PPP2R2A: variants seen among roughly 807,000 people sequenced by gnomAD.
The protein encoded by PPP2R2A is protein phosphatase 2 regulatory subunit Balpha.
In PPP2R2A, 9 loss-of-function variants were observed where a neutral mutation model predicts 53.2. That is an observed-to-expected ratio of 0.17 (90% CI 0.10 to 0.30). PPP2R2A has a LOEUF of 0.30. Among genes scored for constraint, PPP2R2A ranks in the 10% least tolerant of loss-of-function variants. The pLI is 1.00. For synonymous variants in PPP2R2A, 169 were observed against 174.2 expected (o/e 0.97, Z 0.23); for missense variants, 235 against 534.6 (o/e 0.44, Z 5.53).
At chr8:26,295,000 GAAGT>G (rs1457067041) in intron 2 of PPP2R2A, among the ~76,000 whole-genome samples, 5 of 152,216 alleles carry the variant, frequency 3.3e-5, no homozygotes, top group Non-Finnish European at 7.3e-5. Context: ...CTTGTTCAGA[GAAGT>G]AAGTCCTGAC....
intron 2 of PPP2R2A, among the ~76,000 whole-genome samples, chr8:26,307,863 T>C (rs1378015238): frequency 6.6e-6 from 1 of 152,150 alleles, no homozygotes; most frequent in Non-Finnish European, 1.5e-5. Context: ...AGTTGGAAAA[T>C]GGGGGAGTGA....
rs1206239023 is a variant in PPP2R2A at position 26,333,467 on chromosome 8, TTTGA to T, written c.83-5420_83-5417del. The stretch of plus-strand genomic sequence containing the variant: ...AATACAGTTATAACCCTCTTTGCAC[TTTGA>T]TTAATTTCTTTCAGATCACTTATTT... On this transcript the variant is annotated intron_variant, in intron 2 of 9. Coordinates refer to ENST00000380737, the MANE Select transcript of PPP2R2A (RefSeq NM_002717.4). 6.8e-6 allele frequency: 8 copies of T among 1,180,772 alleles called. No individual in the cohort carries two copies. In the African/African-American group the frequency reaches 7.8e-5, roughly 11 times the overall value. 73.1% of individuals were successfully genotyped at this position (1,180,772 alleles called of 1,614,324 possible).
chr8:26,363,795 T>C lies in PPP2R2A; in HGVS notation c.877T>C (p.Phe293Leu). The C allele has an allele frequency of 6.2e-7, 1 of 1,609,268 alleles. No homozygotes were observed. The highest frequency in any genetic ancestry group is 8.5e-7 in the Non-Finnish European group (1 of 1,176,460). Residue 293 changes from phenylalanine (F) to leucine (L), a missense_variant, in exon 8 of 10, where the codon TTC becomes CTC. By Grantham distance (22) the Phe-to-Leu change is conservative. Coordinates refer to ENST00000380737, the MANE Select transcript of PPP2R2A (RefSeq NM_002717.4). ...EIISSISDVK[F>L]SHSGRYMMTR... Reference sequence around the variant, plus strand: ...CATCTCCTCTATTTCGGATGTAAAATTCAGCCATAGTGGTCGATATATGAT... The same window carrying C: ...CATCTCCTCTATTTCGGATGTAAAACTCAGCCATAGTGGTCGATATATGAT...
At chr8:26,324,659 A>T (rs1585357003) in intron 2 of PPP2R2A, among the ~76,000 whole-genome samples, 1 of 152,288 alleles carries the variant, frequency 6.6e-6, no homozygotes, top group African/African-American at 2.4e-5. Flanking sequence ...CTGTGAGAAG[A>T]GGGCTACCAT....
chr8:26,303,385 A>G (rs1000086513), intron 2 of PPP2R2A, among the ~76,000 whole-genome samples: 1 of 152,030 alleles, frequency 6.6e-6, no homozygotes, highest in Non-Finnish European at 1.5e-5. Flanking sequence ...ATTTAGTGCC[A>G]CTCCTAGGTT....
intron 2 of PPP2R2A, among the ~76,000 whole-genome samples, chr8:26,296,199 T>A (rs1801534515): frequency 6.6e-6 from 1 of 152,230 alleles, no homozygotes; most frequent in South Asian, 2.1e-4. Context: ...AAGTTAATCT[T>A]AAATGCAGTC....
At chr8:26,322,316 G>A (rs553933836) in intron 2 of PPP2R2A, among the ~76,000 whole-genome samples, 85 of 152,278 alleles carry the variant, frequency 5.6e-4, no homozygotes, top group Middle Eastern at 3.4e-3. Context: ...ATTTGTTTTC[G>A]TTGATTTTCT....
At chr8:26,368,356 T>C (rs1805487816) in intron 9 of PPP2R2A, among the ~76,000 whole-genome samples, 1 of 152,208 alleles carries the variant, frequency 6.6e-6, no homozygotes, top group Non-Finnish European at 1.5e-5. Context: ...TTTACAATAA[T>C]AATTTGAACC....
chr8:26,336,272 TA>T (rs1256712082), intron 2 of PPP2R2A, among the ~76,000 whole-genome samples: 1 of 151,700 alleles, frequency 6.6e-6, no homozygotes, highest in Non-Finnish European at 1.5e-5. Context: ...AAAATAAAAA[TA>T]AAAAAATTAG....
intron 2 of PPP2R2A, among the ~76,000 whole-genome samples, chr8:26,320,269 T>C (rs1802769269): frequency 6.6e-6 from 1 of 152,200 alleles, no homozygotes; most frequent in Non-Finnish European, 1.5e-5. Context: ...AGCAGAATCC[T>C]GGTTATTTGG....
At chr8:26,343,520 C>T (rs1248531255) in intron 3 of PPP2R2A, among the ~76,000 whole-genome samples, 1 of 151,688 alleles carries the variant, frequency 6.6e-6, no homozygotes, top group Admixed American at 6.6e-5. Flanking sequence ...TACAGGTGCA[C>T]ACCACCACAC....
At chr8:26,315,220 A>G (rs950779949) in intron 2 of PPP2R2A, among the ~76,000 whole-genome samples, 29 of 152,146 alleles carry the variant, frequency 1.9e-4, no homozygotes, top group African/African-American at 6.8e-4. Context: ...AGAATGAGGT[A>G]GTAAGAGTAA....
intron 2 of PPP2R2A, among the ~76,000 whole-genome samples, chr8:26,331,168 A>G (rs1192340278): frequency 6.6e-6 from 1 of 152,142 alleles, no homozygotes. Context: ...TGGATTCTTC[A>G]TAACTCTCAC....
At chr8:26,343,317 T>C (rs1804044829) in intron 3 of PPP2R2A, among the ~76,000 whole-genome samples, 1 of 152,146 alleles carries the variant, frequency 6.6e-6, no homozygotes, top group Non-Finnish European at 1.5e-5. Context: ...TTCTTAACTT[T>C]TTTGTTGTCA....
intron 2 of PPP2R2A, among the ~76,000 whole-genome samples, chr8:26,307,046 C>T (rs1212370373): frequency 6.6e-6 from 1 of 152,106 alleles, no homozygotes; most frequent in Non-Finnish European, 1.5e-5. Context: ...TCTAGGAATC[C>T]ATGAATTATT....
intron 2 of PPP2R2A, among the ~76,000 whole-genome samples, chr8:26,297,397 C>T (rs577833035): frequency 2.6e-5 from 4 of 152,172 alleles, no homozygotes; most frequent in East Asian, 1.9e-4. Flanking sequence ...TGTGAGCCAC[C>T]GGCCACAAAA....
chr8:26,357,149 T>C (rs972346314), intron 4 of PPP2R2A, among the ~76,000 whole-genome samples: 4 of 152,150 alleles, frequency 2.6e-5, no homozygotes, highest in African/African-American at 9.7e-5. Flanking sequence ...GAGTAGGACT[T>C]GAACTATATC....
At chr8:26,317,697 A>G (rs1802626142) in intron 2 of PPP2R2A, among the ~76,000 whole-genome samples, 2 of 152,366 alleles carry the variant, frequency 1.3e-5, no homozygotes, top group African/African-American at 4.8e-5. Context: ...CAGTCACACA[A>G]GCTAGTATAT....
chr8:26,342,830 T>G (rs1257554399), intron 3 of PPP2R2A, among the ~76,000 whole-genome samples: 1 of 152,180 alleles, frequency 6.6e-6, no homozygotes, highest in Non-Finnish European at 1.5e-5. Flanking sequence ...AGGTGGATAG[T>G]ATTGTTAATA....
Sources: allele counts gnomAD v4.1 joint callset (sites outside exome capture counted in the v4.1 genomes callset), GRCh38; gene constraint gnomAD v4.1.1; transcripts MANE v1.5; gene names NCBI Gene and HGNC (gene_info 2026-07-23, HGNC 2026-07-21).